FIGN: variants seen among roughly 807,000 people sequenced by gnomAD.
FIGN encodes fidgetin, microtubule severing factor, also known as fidgetin.
FIGN carries 11 observed loss-of-function variants against 51.3 expected under a neutral mutation model. That is an observed-to-expected ratio of 0.21 (90% CI 0.13 to 0.35). The LOEUF (loss-of-function observed/expected upper bound fraction) is 0.35, where lower values mean the gene tolerates loss of function less well. Ranked by LOEUF, FIGN falls within the 10% of genes least tolerant of loss-of-function variation. FIGN has a pLI of 1.00. For missense variants in FIGN, 857 were observed against 943.6 expected (o/e 0.91, Z 1.20); for synonymous variants, 407 against 363.2 (o/e 1.12, Z -1.37).
intron 2 of FIGN, among the ~76,000 whole-genome samples, chr2:163,693,358 GA>G (rs1195040909): frequency 1.3e-5 from 2 of 152,154 alleles, no homozygotes; most frequent in East Asian, 3.9e-4. Context: ...GCAAGAGTGA[GA>G]AGGATTAAGA....
At position 163,634,410 on chromosome 2, in the gene FIGN, A is replaced by G. The variant is rs1683194978; in HGVS notation, c.26-22604T>C. On this transcript the variant is annotated intron_variant, in intron 2 of 2. Transcript: ENST00000333129. ...AGTAACTTAGACTTTCTCATACTTT[A>G]TATCTTTGTATATGCTGAACCCTTT... Among the ~76,000 whole-genome samples, 6 of 152,044 alleles carry G rather than the reference A, an allele frequency of 3.9e-5. No homozygotes were observed. In the South Asian group the frequency reaches 1.2e-3, roughly 32 times the overall value.
At chr2:163,716,393 A>T (rs1684668645) in intron 2 of FIGN, among the ~76,000 whole-genome samples, 1 of 152,238 alleles carries the variant, frequency 6.6e-6, no homozygotes, top group African/African-American at 2.4e-5. Context: ...CAAAATGGAA[A>T]ATAACAAAGG....
chr2:163,616,730 G>C (rs1396337982), intron 2 of FIGN, among the ~76,000 whole-genome samples: 1 of 151,936 alleles, frequency 6.6e-6, no homozygotes, highest in African/African-American at 2.4e-5. Flanking sequence ...ATATTAGCAA[G>C]GGTTTCTCTG....
At chr2:163,732,551 G>A (rs1322472771) in intron 2 of FIGN, among the ~76,000 whole-genome samples, 2 of 152,064 alleles carry the variant, frequency 1.3e-5, no homozygotes, top group Admixed American at 6.5e-5. Flanking sequence ...CAAGAAGCCA[G>A]CCATCACTAA....
At position 163,681,614 on chromosome 2, in the gene FIGN, G is replaced by A. The variant is rs573430414; in HGVS notation, c.25+53289C>T. 3.9e-5 allele frequency among the ~76,000 whole-genome samples: 6 copies of A among 152,188 alleles called. No individual in the cohort carries two copies. In the East Asian group the frequency reaches 1.2e-3, roughly 29 times the overall value. ...GCAAAGGAACACATGATGACTGCAC[G>A]CCTGGCACGATTTTGAAGCACGATG... On this transcript the variant is annotated intron_variant, in intron 2 of 2. Transcript: ENST00000333129.
chr2:163,622,699 C>T (rs551838952), intron 2 of FIGN, among the ~76,000 whole-genome samples: 2 of 152,152 alleles, frequency 1.3e-5, no homozygotes, highest in East Asian at 3.9e-4. Context: ...GTAGCTGGGA[C>T]TACAGGCTCA....
chr2:163,707,073 A>C (rs1215587424), intron 2 of FIGN, among the ~76,000 whole-genome samples: 1 of 152,170 alleles, frequency 6.6e-6, no homozygotes, highest in Non-Finnish European at 1.5e-5. Flanking sequence ...GAGGAATAAA[A>C]TTTCAATCCT....
At chr2:163,722,904 T>C (rs977931110) in intron 2 of FIGN, among the ~76,000 whole-genome samples, 1 of 152,026 alleles carries the variant, frequency 6.6e-6, no homozygotes, top group Non-Finnish European at 1.5e-5. Context: ...AAATATTAAC[T>C]GGCCGGGCAT....
At position 163,735,004 on chromosome 2, in the gene FIGN, A is replaced by ACTT. The variant is rs1218910592; in HGVS notation, c.-80_-78dup. The ACTT allele has an allele frequency of 6.7e-7, 1 of 1,496,092 alleles. No individual in the cohort carries two copies. The highest frequency in any genetic ancestry group is 1.4e-5 in the African/African-American group (1 of 72,070). The allele number at this position is 1,496,092 out of a possible 1,614,324, so 92.7% of individuals were successfully genotyped here. A position where few individuals can be genotyped will look rare whatever the true frequency, so the allele number is the denominator to read the frequency against. ...CCAAAGGTTGCTTTTCATTAAAGCCACTTTTCCTCTCAGCTATCAAATGTC... is the reference window on the plus strand; with the variant it reads ...CCAAAGGTTGCTTTTCATTAAAGCCACTTCTTTTCCTCTCAGCTATCAAATGTC... On this transcript the variant is annotated 5_prime_UTR_variant, in exon 2 of 3. Transcript: ENST00000333129.
rs565377801 is a variant in FIGN, at chr2:163,694,037, T to C, written c.25+40866A>G. Among the ~76,000 whole-genome samples the C allele has an allele frequency of 1.1e-3, 173 of 152,314 alleles. 1 individual carries two copies. Among genetic ancestry groups the C allele is most frequent in the Non-Finnish European group, 2.2e-3 (151 of 68,028 alleles). On this transcript the variant is annotated intron_variant, in intron 2 of 2. Transcript: ENST00000333129. ...CTTGTTCAAGGGAAGAGCTGGAGCATCCAGCAGCTCTCTGCCACCATCTCA... is the reference window on the plus strand; with the variant it reads ...CTTGTTCAAGGGAAGAGCTGGAGCACCCAGCAGCTCTCTGCCACCATCTCA...
chr2:163,709,461 G>A lies in FIGN; in HGVS notation c.25+25442C>T, dbSNP rs141481016. ...AGAGATCACAAATGAAATCATCAGCGACCTACAGCCCAGGCCAGATAATCA... is the reference window on the plus strand; with the variant it reads ...AGAGATCACAAATGAAATCATCAGCAACCTACAGCCCAGGCCAGATAATCA... On this transcript the variant is annotated intron_variant, in intron 2 of 2. Coordinates refer to ENST00000333129, the MANE Select transcript of FIGN (RefSeq NM_018086.4). Among the ~76,000 whole-genome samples the A allele has an allele frequency of 2.0e-4, 31 of 152,172 alleles. No homozygotes were observed. The East Asian group carries it at 5.4e-3, about 27-fold the overall frequency.
intron 2 of FIGN, among the ~76,000 whole-genome samples, chr2:163,734,349 C>A (rs1184544406): frequency 3.8e-4 from 55 of 144,224 alleles, no homozygotes; most frequent in African/African-American, 7.6e-4. Context: ...CCGCCCCCCC[C>A]AAAAAAAAAC....
chr2:163,616,997 A>C (rs917737512), intron 2 of FIGN: 49 of 595,026 alleles, frequency 8.2e-5, no homozygotes, highest in East Asian at 1.4e-4. Flanking sequence ...ACTTATTATC[A>C]TTCTTCAATG....
At chr2:163,672,666 C>T (rs376268811) in intron 2 of FIGN, among the ~76,000 whole-genome samples, 4 of 152,114 alleles carry the variant, frequency 2.6e-5, no homozygotes, top group African/African-American at 7.2e-5. Flanking sequence ...ATGATTCTGG[C>T]AGCCAGCATA....
chr2:163,653,140 T>C (rs879406812), intron 2 of FIGN, among the ~76,000 whole-genome samples: 3 of 152,152 alleles, frequency 2.0e-5, no homozygotes, highest in Non-Finnish European at 4.4e-5. Context: ...ACCTACCTCA[T>C]AGGATTATTG....
intron 2 of FIGN, among the ~76,000 whole-genome samples, chr2:163,653,922 C>T (rs2105323165): frequency 6.6e-6 from 1 of 152,034 alleles, no homozygotes; most frequent in African/African-American, 2.4e-5. Flanking sequence ...AAGATCTATG[C>T]CCAGTGTCAT....
intron 2 of FIGN, among the ~76,000 whole-genome samples, chr2:163,646,597 C>T (rs1232514410): frequency 6.6e-6 from 1 of 152,068 alleles, no homozygotes; most frequent in East Asian, 1.9e-4. Flanking sequence ...AATGAAAGTA[C>T]TAAGAAAATA....
chr2:163,698,370 C>T (rs2105349231), intron 2 of FIGN, among the ~76,000 whole-genome samples: 1 of 152,076 alleles, frequency 6.6e-6, no homozygotes, highest in South Asian at 2.1e-4. Context: ...CATTACCTGC[C>T]CCTTTGCTCC....
intron 2 of FIGN, among the ~76,000 whole-genome samples, chr2:163,643,919 C>A (rs1161283887): frequency 1.5e-5 from 1 of 65,924 alleles, no homozygotes; most frequent in South Asian, 5.4e-4. Flanking sequence ...GCAACAAGAG[C>A]GAAACTCTGT....
Sources: gnomAD v4.1 joint callset for allele counts (sites outside exome capture counted in the v4.1 genomes callset) on GRCh38, gnomAD v4.1.1 for gene constraint, MANE v1.5 for transcripts, NCBI Gene and HGNC (gene_info 2026-07-23, HGNC 2026-07-21) for gene names.